EPB41L3: variants seen among roughly 807,000 people sequenced by gnomAD.
EPB41L3 encodes erythrocyte membrane protein band 4.1 like 3.
Under a neutral mutation model 127.1 loss-of-function variants are expected in EPB41L3, and 57 were observed. The observed-to-expected ratio is 0.45, with a 90% CI of 0.36 to 0.56. EPB41L3 has a LOEUF of 0.56. Among genes scored for constraint, EPB41L3 ranks in the 20% least tolerant of loss-of-function variants. The pLI is 0.00. For synonymous variants in EPB41L3, 572 were observed against 549.5 expected (o/e 1.04, Z -0.57); for missense variants, 1,273 against 1,372.2 (o/e 0.93, Z 1.14).
intron 3 of EPB41L3, among the ~76,000 whole-genome samples, chr18:5,572,756 T>A (rs9989623): frequency 2.1e-3 from 322 of 152,214 alleles, no homozygotes; most frequent in African/African-American, 7.3e-3. Flanking sequence ...TAAAATTTTG[T>A]AAAGACCGGG....
intron 1 of EPB41L3, among the ~76,000 whole-genome samples, chr18:5,617,242 G>T (rs2094805950): frequency 6.6e-6 from 1 of 151,760 alleles, no homozygotes; most frequent in Non-Finnish European, 1.5e-5. Context: ...GCTTATAAAA[G>T]ATGATAAATG....
chr18:5,630,371 GCT>G (rs1399746595), upstream of EPB41L3: 2 of 518,260 alleles, frequency 3.9e-6, no homozygotes, highest in African/African-American at 1.9e-5. Flanking sequence ...AGAGAAAGGC[GCT>G]CACCTGAGTC....
chr18:5,585,895 C>A (rs977994753), intron 3 of EPB41L3, among the ~76,000 whole-genome samples: 1 of 152,176 alleles, frequency 6.6e-6, no homozygotes, highest in African/African-American at 2.4e-5. Flanking sequence ...CATCCCTCTG[C>A]CAGTGGCCTC....
intron 1 of EPB41L3, among the ~76,000 whole-genome samples, chr18:5,538,868 A>G (rs2093643942): frequency 6.6e-6 from 1 of 152,144 alleles, no homozygotes; most frequent in Non-Finnish European, 1.5e-5. Flanking sequence ...TACCAATTTG[A>G]GCTACAGACA....
intron 8 of EPB41L3, among the ~76,000 whole-genome samples, chr18:5,432,185 G>A (rs950465386): frequency 6.6e-6 from 1 of 152,160 alleles, no homozygotes; most frequent in African/African-American, 2.4e-5. Context: ...TAACCAAAGT[G>A]CAGCCCAACT....
intron 11 of EPB41L3, among the ~76,000 whole-genome samples, chr18:5,421,603 T>G (rs1009075639): frequency 6.6e-6 from 1 of 152,186 alleles, no homozygotes; most frequent in Non-Finnish European, 1.5e-5. Flanking sequence ...GAATATAAAA[T>G]GTGGTATATA....
chr18:5,589,135 A>C (rs76686340), intron 3 of EPB41L3, among the ~76,000 whole-genome samples: 1 of 152,152 alleles, frequency 6.6e-6, no homozygotes, highest in Non-Finnish European at 1.5e-5. Context: ...AGTTTACCGT[A>C]ATTTCCTCTT....
At chr18:5,404,508 A>G (rs899227279) in intron 16 of EPB41L3, among the ~76,000 whole-genome samples, 1 of 152,216 alleles carries the variant, frequency 6.6e-6, no homozygotes, top group Non-Finnish European at 1.5e-5. Flanking sequence ...ACTAACACAG[A>G]AAAAGCATTA....
At chr18:5,576,622 A>G (rs1428293437) in intron 3 of EPB41L3, among the ~76,000 whole-genome samples, 1 of 152,204 alleles carries the variant, frequency 6.6e-6, no homozygotes, top group Non-Finnish European at 1.5e-5. Context: ...AAGACAGGCA[A>G]ACCCACTAAG....
In EPB41L3 at chr18:5,416,012, G is replaced by C. The variant is rs2144736521; in HGVS notation, c.1873C>G (p.Leu625Val). 6.2e-7 allele frequency: 1 copy of C among 1,614,092 alleles called. No individual in the cohort carries two copies. Among genetic ancestry groups the C allele is most frequent in the Non-Finnish European group, 8.5e-7 (1 of 1,179,984 alleles). ...ACAAGGGACGGTGAGCGGATCGGGAGGTAATGCTGCAAGCTCTGGGGCAGG... is the reference window on the plus strand; with the variant it reads ...ACAAGGGACGGTGAGCGGATCGGGACGTAATGCTGCAAGCTCTGGGGCAGG... ...NLLPQSLQHY[L>V]PIRSPSLVPC... Residue 625 changes from leucine (L) to valine (V), a missense_variant, in exon 13 of 23, where the codon CTC (leucine) becomes GTC (valine). This residue lies in a region of EPB41L3 where 765 missense variants were observed against 782.9 expected (regional missense o/e 0.98). Transcript: ENST00000341928.
intron 1 of EPB41L3, among the ~76,000 whole-genome samples, chr18:5,619,101 G>A (rs748694390): frequency 3.3e-5 from 5 of 152,092 alleles, no homozygotes; most frequent in South Asian, 2.1e-4. Flanking sequence ...ACTGTGTGAT[G>A]TATGTATAAT....
At chr18:5,447,607 T>C (rs139508894) in intron 3 of EPB41L3, among the ~76,000 whole-genome samples, 2 of 152,288 alleles carry the variant, frequency 1.3e-5, no homozygotes, top group East Asian at 3.9e-4. Context: ...CTATGCCTCC[T>C]ACATTTTCTG....
intron 12 of EPB41L3, among the ~76,000 whole-genome samples, chr18:5,417,945 G>A (rs544408823): frequency 6.6e-5 from 10 of 152,266 alleles, no homozygotes; most frequent in African/African-American, 2.4e-4. Flanking sequence ...CCTGGGAAAC[G>A]TGCCTCCTTC....
At chr18:5,489,573 T>C (rs1310430540) in intron 1 of EPB41L3, among the ~76,000 whole-genome samples, 1 of 152,250 alleles carries the variant, frequency 6.6e-6, no homozygotes, top group African/African-American at 2.4e-5. Flanking sequence ...CTTGGAAGGA[T>C]GATTTAATAA....
rs571232250 is a variant in EPB41L3, at chr18:5,606,914, C to G, written c.-306+5426G>C. Among the ~76,000 whole-genome samples, 35 of 147,350 alleles carry G rather than the reference C, an allele frequency of 2.4e-4. No homozygotes were observed. In the East Asian group the frequency reaches 6.6e-3, roughly 28 times the overall value. ...TCTCTCTCTCTCTCTCTCTCTCTCTCTGTCTCTCTCTCTCTCTCCGTCTCT... is the reference window on the plus strand; with the variant it reads ...TCTCTCTCTCTCTCTCTCTCTCTCTGTGTCTCTCTCTCTCTCTCCGTCTCT... On this transcript the variant is annotated intron_variant, in intron 3 of 21. Transcript: ENST00000545076.
intron 3 of EPB41L3, among the ~76,000 whole-genome samples, chr18:5,462,196 ATTCATC>A (rs2084124387): frequency 1.3e-5 from 2 of 152,380 alleles, no homozygotes; most frequent in African/African-American, 4.8e-5. Context: ...TACTTCTAAT[ATTCATC>A]TTAAGTTGTT....
At chr18:5,405,306 C>T (rs1413731266) in intron 16 of EPB41L3, among the ~76,000 whole-genome samples, 1 of 152,196 alleles carries the variant, frequency 6.6e-6, no homozygotes, top group African/African-American at 2.4e-5. Context: ...TCTGTGTCAG[C>T]TTCCTGAACA....
At chr18:5,475,487 G>C (rs1018392088) in intron 3 of EPB41L3, among the ~76,000 whole-genome samples, 7 of 152,202 alleles carry the variant, frequency 4.6e-5, no homozygotes, top group Non-Finnish European at 5.9e-5. Context: ...AAACAGGATG[G>C]CTCGCTGCCT....
intron 1 of EPB41L3, among the ~76,000 whole-genome samples, chr18:5,524,833 A>G (rs927939648): frequency 3.3e-5 from 5 of 152,264 alleles, no homozygotes; most frequent in African/African-American, 1.2e-4. Flanking sequence ...GGTCTGGGTC[A>G]CCTGCCTATC....
Sources: gnomAD v4.1 joint callset for allele counts (sites outside exome capture counted in the v4.1 genomes callset) on GRCh38, gnomAD v4.1.1 for gene constraint, gnomAD v4.1.1 regional missense constraint, MANE v1.5 for transcripts, NCBI Gene and HGNC (gene_info 2026-07-23, HGNC 2026-07-21) for gene names.